Variants in EPHA6 observed in about 807,000 individuals in gnomAD.
The protein encoded by EPHA6 is EPH receptor A6.
Under a neutral mutation model 112.0 loss-of-function variants are expected in EPHA6, and 50 were observed. The ratio of observed to expected loss-of-function variants is 0.45; its 90% CI spans 0.36 to 0.56. EPHA6 has a LOEUF of 0.56. Ranked by LOEUF, EPHA6 falls within the 20% of genes least tolerant of loss-of-function variation. The probability of loss-of-function intolerance (pLI) is 0.00; values close to 1 mark genes in which losing one functional copy is unlikely to be tolerated. For missense variants in EPHA6, 1,280 were observed against 1,417.4 expected (o/e 0.90, Z 1.56); for synonymous variants, 529 against 490.7 (o/e 1.08, Z -1.03).
intron 5 of EPHA6, among the ~76,000 whole-genome samples, chr3:97,267,208 A>C (rs2079714032): frequency 6.6e-6 from 1 of 151,786 alleles, no homozygotes; most frequent in African/African-American, 2.4e-5. Flanking sequence ...ACTTAAACAA[A>C]CCTAGTATGT....
chr3:97,192,384 C>T (rs747364058), intron 3 of EPHA6, among the ~76,000 whole-genome samples: 40 of 152,190 alleles, frequency 2.6e-4, no homozygotes, highest in Admixed American at 2.0e-3. Flanking sequence ...CCACTTGCCT[C>T]GGCCTGCAAA....
intron 11 of EPHA6, among the ~76,000 whole-genome samples, chr3:97,540,410 T>C (rs181085385): frequency 1.3e-5 from 2 of 152,312 alleles, no homozygotes; most frequent in African/African-American, 4.8e-5. Context: ...CTAGGGATAA[T>C]TGGAATCACT....
chr3:97,711,633 A>G (rs890668325), intron 14 of EPHA6, among the ~76,000 whole-genome samples: 3 of 152,126 alleles, frequency 2.0e-5, no homozygotes, highest in African/African-American at 7.2e-5. Flanking sequence ...GCAGCAGAAG[A>G]TGGATGTCCC....
At chr3:96,927,538 T>A (rs1018736515) in intron 2 of EPHA6, among the ~76,000 whole-genome samples, 10 of 152,180 alleles carry the variant, frequency 6.6e-5, no homozygotes, top group African/African-American at 2.4e-5. Context: ...GTTCCACTTA[T>A]CTCTAGGGTG....
chr3:96,940,373 T>G (rs1576109456), intron 2 of EPHA6, among the ~76,000 whole-genome samples: 1 of 152,150 alleles, frequency 6.6e-6, no homozygotes, highest in East Asian at 1.9e-4. Flanking sequence ...TGTCTCTTTT[T>G]ATCTTTGTTA....
intron 2 of EPHA6, among the ~76,000 whole-genome samples, chr3:96,964,941 C>T (rs1028181028): frequency 2.0e-5 from 3 of 152,080 alleles, no homozygotes; most frequent in African/African-American, 4.8e-5. Context: ...ATTCACGAAT[C>T]GGGCAGCCCC....
chr3:96,944,268 T>G (rs961910802), intron 2 of EPHA6, among the ~76,000 whole-genome samples: 1 of 152,180 alleles, frequency 6.6e-6, no homozygotes, highest in African/African-American at 2.4e-5. Context: ...TCAGCAGCTT[T>G]TATCATACAT....
chr3:97,113,664 G>T (rs759391291), intron 3 of EPHA6, among the ~76,000 whole-genome samples: 21 of 151,992 alleles, frequency 1.4e-4, no homozygotes, highest in Non-Finnish European at 1.9e-4. Flanking sequence ...AGTCTTTCTT[G>T]CCTTTTTCCT....
At chr3:97,253,813 A>G (rs964461861) in intron 5 of EPHA6, among the ~76,000 whole-genome samples, 2 of 152,156 alleles carry the variant, frequency 1.3e-5, no homozygotes, top group Middle Eastern at 6.4e-3. Flanking sequence ...AGGCTTCTAT[A>G]TATAAATAGT....
chr3:96,921,672 A>G (rs925498164), intron 2 of EPHA6, among the ~76,000 whole-genome samples: 3 of 151,824 alleles, frequency 2.0e-5, no homozygotes, highest in Non-Finnish European at 4.4e-5. Context: ...GATTCAAGCA[A>G]TCCTCCTGCC....
intron 1 of EPHA6, among the ~76,000 whole-genome samples, chr3:96,845,488 C>T (rs536830779): frequency 3.3e-5 from 5 of 152,028 alleles, no homozygotes; most frequent in South Asian, 2.1e-4. Context: ...CTCCATGTTT[C>T]GGTAATTGCT....
intron 3 of EPHA6, among the ~76,000 whole-genome samples, chr3:96,997,025 T>G (rs2043448522): frequency 6.6e-6 from 1 of 152,082 alleles, no homozygotes; most frequent in Non-Finnish European, 1.5e-5. Context: ...CACCTGCTGC[T>G]TTACCTTGCA....
At chr3:97,628,321 G>A (rs1321556411) in intron 13 of EPHA6, among the ~76,000 whole-genome samples, 3 of 151,914 alleles carry the variant, frequency 2.0e-5, no homozygotes, top group Admixed American at 1.3e-4. Context: ...CAACATTTAC[G>A]TACAAAATAA....
At chr3:97,736,204 A>AAAAATGC (rs2035245086) in intron 16 of EPHA6, 86 bp downstream of exon 16, 3 of 1,089,216 alleles carry the variant, frequency 2.8e-6, no homozygotes, top group Non-Finnish European at 3.8e-6. Context: ...TAGAAAGGAA[A>AAAAATGC]AAAATGCCTT....
intron 2 of EPHA6, among the ~76,000 whole-genome samples, chr3:96,916,154 T>G (rs1303635045): frequency 1.3e-5 from 2 of 152,114 alleles, no homozygotes; most frequent in Non-Finnish European, 2.9e-5. Flanking sequence ...GATTAAAGAA[T>G]GTTGTGGAAA....
intron 6 of EPHA6, among the ~76,000 whole-genome samples, chr3:97,425,240 G>T (rs780190753): frequency 5.9e-5 from 9 of 152,184 alleles, no homozygotes; most frequent in Non-Finnish European, 1.2e-4. Context: ...CTGTGTGGGG[G>T]CTCCAACCCC....
chr3:97,183,316 T>A (rs2077040721), intron 3 of EPHA6, among the ~76,000 whole-genome samples: 1 of 152,136 alleles, frequency 6.6e-6, no homozygotes, highest in Non-Finnish European at 1.5e-5. Context: ...GAAAAAATGT[T>A]AATTATCACT....
intron 16 of EPHA6, among the ~76,000 whole-genome samples, chr3:97,745,135 C>A (rs1347303027): frequency 6.6e-6 from 1 of 151,924 alleles, no homozygotes; most frequent in Non-Finnish European, 1.5e-5. Context: ...CACATTAGAG[C>A]AGTGAAAACT....
chr3:97,536,131 A>G (rs2092760816), intron 11 of EPHA6, among the ~76,000 whole-genome samples: 1 of 152,210 alleles, frequency 6.6e-6, no homozygotes, highest in South Asian at 2.1e-4. Flanking sequence ...AATAGAAGCC[A>G]TAAGTTAGAG....
Sources: gnomAD v4.1 joint callset for allele counts (sites outside exome capture counted in the v4.1 genomes callset) on GRCh38, gnomAD v4.1.1 for gene constraint, MANE v1.5 for transcripts, NCBI Gene and HGNC (gene_info 2026-07-23, HGNC 2026-07-21) for gene names.